Variants in RALY observed in about 807,000 individuals in gnomAD.
RALY encodes RNA-binding protein Raly.
RALY carries 15 observed loss-of-function variants against 30.7 expected under a neutral mutation model. The observed-to-expected ratio is 0.49, with a 90% CI of 0.33 to 0.75. RALY has a LOEUF of 0.75. Among genes scored for constraint, RALY ranks in the 30% least tolerant of loss-of-function variants. The pLI, the probability that RALY is intolerant of heterozygous loss-of-function variation, is 0.02. For missense variants in RALY, 339 were observed against 414.3 expected (o/e 0.82, Z 1.58); for synonymous variants, 177 against 170.8 (o/e 1.04, Z -0.28).
chr20:34,071,524 C>T (rs6119446), intron 2 of RALY, among the ~76,000 whole-genome samples: 2 of 151,948 alleles, frequency 1.3e-5, no homozygotes, highest in Non-Finnish European at 2.9e-5. Context: ...GGTGATGCAC[C>T]CGTCTCGGCC....
chr20:34,040,691 T>A (rs1018094868), intron 2 of RALY, among the ~76,000 whole-genome samples: 1 of 152,210 alleles, frequency 6.6e-6, no homozygotes, highest in Admixed American at 6.5e-5. Flanking sequence ...ACAGGTACTT[T>A]AAATAGATTA....
At chr20:34,070,838 T>C (rs1000457803) in intron 2 of RALY, among the ~76,000 whole-genome samples, 7 of 152,204 alleles carry the variant, frequency 4.6e-5, no homozygotes, top group African/African-American at 1.2e-4. Context: ...TGCACTGTTA[T>C]AAAGAAATAC....
chr20:34,058,838 G>A (rs1244195782), intron 2 of RALY, among the ~76,000 whole-genome samples: 1 of 152,234 alleles, frequency 6.6e-6, no homozygotes, highest in Non-Finnish European at 1.5e-5. Context: ...CTCATGAAGA[G>A]TCTTGTAAGC....
intron 2 of RALY, among the ~76,000 whole-genome samples, chr20:34,038,101 G>A (rs2032568291): frequency 6.6e-6 from 1 of 152,226 alleles, no homozygotes; most frequent in East Asian, 1.9e-4. Context: ...GGAATTGCAT[G>A]CAAAGGGCTC....
chr20:34,034,160 GC>G (rs1382170665), intron 2 of RALY, among the ~76,000 whole-genome samples: 5 of 152,198 alleles, frequency 3.3e-5, no homozygotes, highest in Admixed American at 6.5e-5. Flanking sequence ...TTCCCTGCCT[GC>G]CTCTGCTTAC....
chr20:34,046,814 T>C (rs1019477234), intron 2 of RALY, among the ~76,000 whole-genome samples: 1 of 12,270 alleles, frequency 8.1e-5, no homozygotes, highest in Admixed American at 6.9e-4. Flanking sequence ...ACCTCCACTC[T>C]TTTTTTTTTT....
At position 33,993,940 on chromosome 20, in the gene RALY, C is replaced by A. The variant is rs925034311; in HGVS notation, c.-284C>A. 2 of 151,966 alleles carry A rather than the reference C, an allele frequency of 1.3e-5. No individual in the cohort carries two copies. Among genetic ancestry groups the A allele is most frequent in the African/African-American group, 4.8e-5 (2 of 41,438 alleles). The allele number at this position is 151,966 out of a possible 1,614,324, so 9.4% of individuals were successfully genotyped here. ...GTGCGGCGGGGCGCGCGAGCGGCGC[C>A]AGCTCGGGGCAGCGGAACCCAGAGA... On this transcript the variant is annotated 5_prime_UTR_variant, in exon 1 of 10. Coordinates refer to ENST00000246194, the MANE Select transcript of RALY (RefSeq NM_016732.3).
chr20:34,060,962 A>G (rs1394399995), intron 2 of RALY, among the ~76,000 whole-genome samples: 1 of 152,232 alleles, frequency 6.6e-6, no homozygotes, highest in Non-Finnish European at 1.5e-5. Context: ...AGGTAAGTAC[A>G]GTAGCATTCA....
At chr20:34,070,001 T>TG (rs935533270) in intron 2 of RALY, among the ~76,000 whole-genome samples, 18 of 152,294 alleles carry the variant, frequency 1.2e-4, no homozygotes, top group Non-Finnish European at 2.5e-4. Context: ...GTCCAGCCTA[T>TG]GATTCCCTTG....
intron 1 of RALY, among the ~76,000 whole-genome samples, chr20:33,995,036 G>A (rs1301064393): frequency 6.6e-6 from 1 of 152,156 alleles, no homozygotes; most frequent in Non-Finnish European, 1.5e-5. Flanking sequence ...TTCCTGGTGT[G>A]AGCATGTATC....
At position 34,075,908 on chromosome 20, in the gene RALY, C is replaced by T; in HGVS notation, c.412C>T (p.Pro138Ser). The T allele has an allele frequency of 6.2e-7, 1 of 1,614,008 alleles. No homozygotes were observed. Among genetic ancestry groups the T allele is most frequent in the Non-Finnish European group, 8.5e-7 (1 of 1,179,924 alleles). The change falls in exon 6 of 10, where the codon CCA (proline) becomes TCA (serine). Residue 138 changes from proline to serine, a missense_variant. Physicochemically the swap from Pro to Ser is moderately conservative, Grantham distance 74. This residue lies in a region of RALY where 268 missense variants were observed against 280.6 expected (regional missense o/e 0.95). Coordinates refer to ENST00000246194, the MANE Select transcript of RALY (RefSeq NM_016732.3). Reference protein sequence around the residue: ...FDYRGRLSPVPVPRAVPVKRP... With the variant: ...FDYRGRLSPVSVPRAVPVKRP... ...CTACCGGGGCCGTCTGTCGCCCGTG[C>T]CAGTGCCCAGGGCGGTCCCTGTGAA...
chr20:34,038,240 A>G (rs1203673662), intron 2 of RALY, among the ~76,000 whole-genome samples: 4 of 152,196 alleles, frequency 2.6e-5, no homozygotes, highest in South Asian at 2.1e-4. Flanking sequence ...AGGGACCTGT[A>G]GGTTAGATTA....
chr20:34,055,215 T>C (rs1348106713), intron 2 of RALY, among the ~76,000 whole-genome samples: 4 of 152,238 alleles, frequency 2.6e-5, no homozygotes, highest in African/African-American at 9.6e-5. Flanking sequence ...GACCTTGATA[T>C]AATTCTTACC....
intron 2 of RALY, among the ~76,000 whole-genome samples, chr20:34,034,632 A>G (rs925041055): frequency 2.0e-5 from 3 of 152,256 alleles, no homozygotes; most frequent in African/African-American, 7.2e-5. Flanking sequence ...CCAGAGTCCA[A>G]CTGAAAAACA....
At chr20:34,047,086 G>A (rs2032908068) in intron 2 of RALY, among the ~76,000 whole-genome samples, 1 of 151,966 alleles carries the variant, frequency 6.6e-6, no homozygotes, top group African/African-American at 2.4e-5. Context: ...CCCAAAGTGG[G>A]GGGATTACAG....
intron 2 of RALY, chr20:34,033,369 T>A (rs896191358): frequency 6.6e-6 from 1 of 152,232 alleles, no homozygotes; most frequent in African/African-American, 2.4e-5. Context: ...TATGTTGTTA[T>A]AAAGGAGTAC....
At position 34,077,297 on chromosome 20, in the gene RALY, A is replaced by G. The variant is rs748327397; in HGVS notation, c.876+52A>G. On this transcript the variant is annotated intron_variant, in intron 8 of 9. Coordinates refer to ENST00000246194, the MANE Select transcript of RALY (RefSeq NM_016732.3). Reference sequence around the variant, plus strand: ...GGGACTCGACTGTGCTCCTACTCTCAGGAGGCCAACAGGGGAATGGGCAGC... The same window carrying G: ...GGGACTCGACTGTGCTCCTACTCTCGGGAGGCCAACAGGGGAATGGGCAGC... 8.1e-6 allele frequency: 13 copies of G among 1,605,914 alleles called. No homozygotes were observed. In the Admixed American group the frequency reaches 1.7e-4, roughly 21 times the overall value.
At chr20:33,999,561 C>A (rs1568645826) in intron 1 of RALY, among the ~76,000 whole-genome samples, 1 of 152,230 alleles carries the variant, frequency 6.6e-6, no homozygotes, top group Non-Finnish European at 1.5e-5. Flanking sequence ...AGGCTACATC[C>A]TTTGGCACTG....
At chr20:34,009,527 C>A (rs551893002) in intron 1 of RALY, among the ~76,000 whole-genome samples, 1 of 152,068 alleles carries the variant, frequency 6.6e-6, no homozygotes, top group Non-Finnish European at 1.5e-5. Flanking sequence ...TGAGCCACCA[C>A]GCCCCAGCCT....
Sources: allele counts gnomAD v4.1 joint callset (sites outside exome capture counted in the v4.1 genomes callset), GRCh38; gene constraint gnomAD v4.1.1; regional missense constraint gnomAD v4.1.1; transcripts MANE v1.5; gene names NCBI Gene and HGNC (gene_info 2026-07-23, HGNC 2026-07-21).